The following C1D variants were observed in gnomAD, a reference collection of about 807,000 sequenced individuals.
C1D encodes the protein C1D nuclear receptor corepressor, also known as nuclear nucleic acid-binding protein C1D.
In C1D, 10 loss-of-function variants were observed where a neutral mutation model predicts 17.5. The observed-to-expected ratio is 0.57, with a 90% CI of 0.35 to 0.97. The LOEUF (loss-of-function observed/expected upper bound fraction) is 0.97, where lower values mean the gene tolerates loss of function less well. Among genes scored for constraint, C1D ranks in the 50% least tolerant of loss-of-function variants. The probability of loss-of-function intolerance (pLI) is 0.01; values close to 1 mark genes in which losing one functional copy is unlikely to be tolerated. For missense variants in C1D, 136 were observed against 160.1 expected (o/e 0.85, Z 0.81); for synonymous variants, 49 against 54.0 (o/e 0.91, Z 0.40).
chr2:68,057,925 C>T (rs1376983187), intron 1 of C1D, among the ~76,000 whole-genome samples: 1 of 152,222 alleles, frequency 6.6e-6, no homozygotes, highest in East Asian at 1.9e-4. Flanking sequence ...CCATACCTCC[C>T]AGTCAACTGG....
chr2:68,052,914 C>A, intron 1 of C1D: 1 of 1,093,082 alleles, frequency 9.1e-7, no homozygotes, highest in Non-Finnish European at 1.3e-6. Context: ...TCTTGAATAG[C>A]ACTGATTATG....
chr2:68,048,876 C>G (rs1240536185), intron 1 of C1D, among the ~76,000 whole-genome samples: 1 of 152,136 alleles, frequency 6.6e-6, no homozygotes, highest in Non-Finnish European at 1.5e-5. Context: ...TACCAGCAGA[C>G]TTCAACAGTA....
chr2:68,053,797 A>T (rs1046390504), intron 1 of C1D, among the ~76,000 whole-genome samples: 4 of 151,826 alleles, frequency 2.6e-5, no homozygotes, highest in Non-Finnish European at 4.4e-5. Context: ...GTGCTCTCTC[A>T]CTCTCAACTT....
chr2:68,055,281 C>T (rs1054140712), intron 1 of C1D, among the ~76,000 whole-genome samples: 1 of 152,208 alleles, frequency 6.6e-6, no homozygotes, highest in Non-Finnish European at 1.5e-5. Flanking sequence ...ACAGCACCAT[C>T]TGCAAAGCAT....
chr2:68,047,253 C>T lies in C1D; in HGVS notation c.58G>A (p.Ala20Thr), dbSNP rs779952198. The change falls in exon 2 of 5, where the codon GCG becomes ACG. Residue 20 changes from alanine (A) to threonine (T), a missense_variant. Transcript: ENST00000410067. ...ACAGCACCAATGGAATTCTCAAACGCTGACAAATACTCGTGAATTTCTACT... is the reference window on the plus strand; with the variant it reads ...ACAGCACCAATGGAATTCTCAAACGTTGACAAATACTCGTGAATTTCTACT... ...YPVEIHEYLS[A>T]FENSIGAVDE... The T allele has an allele frequency of 4.3e-6, 7 of 1,612,862 alleles. No homozygotes were observed. Among genetic ancestry groups the T allele is most frequent in the Non-Finnish European group, 5.9e-6 (7 of 1,179,444 alleles).
chr2:68,053,128 A>G, intron 1 of C1D: 2 of 1,550,870 alleles, frequency 1.3e-6, no homozygotes, highest in Non-Finnish European at 1.7e-6. Flanking sequence ...TACTCCTTCT[A>G]AAACACTGGC....
rs1438939602 is a variant in C1D at position 68,054,585 on chromosome 2, T to A, written c.-9-7266A>T. Among the ~76,000 whole-genome samples, 6 of 152,102 alleles carry A rather than the reference T, an allele frequency of 3.9e-5. 1 individual carries two copies. The highest frequency in any genetic ancestry group is 3.3e-4 in the Admixed American group (5 of 15,264). ...ATTGATTATGGATTTTAATCATAGC[T>A]TCAAAATACTTTCACAGCAACACCT... On this transcript the variant is annotated intron_variant, in intron 1 of 4. Transcript: ENST00000410067.
At chr2:68,046,634 C>T (rs979974934) in intron 2 of C1D, 2 of 468,464 alleles carry the variant, frequency 4.3e-6, no homozygotes, top group African/African-American at 4.0e-5. Flanking sequence ...CTTAGGGTAT[C>T]ATCTTTAGTT....
intron 1 of C1D, among the ~76,000 whole-genome samples, chr2:68,059,730 C>A (rs1042684547): frequency 5.3e-5 from 8 of 152,198 alleles, no homozygotes; most frequent in African/African-American, 1.7e-4. Context: ...CCTTGTCCCT[C>A]ACTGGCTGCT....
intron 2 of C1D, 147 bp downstream of exon 2, chr2:68,047,026 C>T (rs1158027121): frequency 2.2e-5 from 14 of 623,796 alleles, no homozygotes; most frequent in South Asian, 1.1e-4. Flanking sequence ...GTTTTGTTTC[C>T]CCCCTAAAAA....
chr2:68,046,085 T>A (rs1361429034), intron 3 of C1D, 42 bp from the exon 4 acceptor site: 12 of 1,356,482 alleles, frequency 8.8e-6, no homozygotes, highest in Non-Finnish European at 1.2e-5. Context: ...GTGAATGTAT[T>A]AATTTAAAAC....
chr2:68,046,678 T>C (rs1018022310), intron 2 of C1D: 1 of 356,334 alleles, frequency 2.8e-6, no homozygotes, highest in Middle Eastern at 7.8e-4. Context: ...AGAAAAATTC[T>C]TTTGAATTAT....
At chr2:68,059,806 C>T (rs894903338) in intron 1 of C1D, among the ~76,000 whole-genome samples, 4 of 152,192 alleles carry the variant, frequency 2.6e-5, no homozygotes, top group African/African-American at 9.7e-5. Flanking sequence ...AGGACTCAGG[C>T]CTTGTGCCCC....
intron 4 of C1D, 47 bp downstream of exon 4, chr2:68,045,941 G>A (rs1218207311): frequency 2.3e-6 from 3 of 1,308,948 alleles, no homozygotes; most frequent in Non-Finnish European, 3.2e-6. Context: ...ACAAACCTCA[G>A]GAATACAACA....
chr2:68,049,535 T>TA (rs1375308358), intron 1 of C1D, among the ~76,000 whole-genome samples: 3 of 152,178 alleles, frequency 2.0e-5, no homozygotes, highest in Non-Finnish European at 2.9e-5. Context: ...ACATAAACCA[T>TA]ACAGATCATT....
intron 1 of C1D, chr2:68,053,088 G>A (rs922723333): frequency 6.4e-7 from 1 of 1,550,732 alleles, no homozygotes; most frequent in Non-Finnish European, 8.7e-7. Flanking sequence ...CCTCCTCCGG[G>A]GTTCTATAGG....
At chr2:68,043,403 G>T (rs779401480) in intron 4 of C1D, among the ~76,000 whole-genome samples, 1 of 151,998 alleles carries the variant, frequency 6.6e-6, no homozygotes, top group East Asian at 1.9e-4. Context: ...CATATTAACT[G>T]TTTTGTATCT....
intron 1 of C1D, among the ~76,000 whole-genome samples, chr2:68,052,377 T>G (rs1007260172): frequency 6.6e-6 from 1 of 151,984 alleles, no homozygotes; most frequent in Non-Finnish European, 1.5e-5. Context: ...CATATTAAAT[T>G]TTTAATAAAA....
Position 68,047,216 on chromosome 2 carries a change from A to C in C1D, c.95T>G (p.Leu32Arg), listed in dbSNP as rs754139761. Residue 32 changes from leucine to arginine, a missense_variant, in exon 2 of 5, where the codon CTG becomes CGG. Transcript: ENST00000410067. ...TCTAGAAACAGACATCATGGTCTTC[A>C]GCATCTCATCCACAGCACCAATGGA... is the stretch of plus-strand genomic sequence containing the variant. ...ENSIGAVDEM[L>R]KTMMSVSRNE... The C allele has an allele frequency of 1.2e-6, 2 of 1,612,294 alleles. No individual in the cohort carries two copies. Among genetic ancestry groups the C allele is most frequent in the Admixed American group, 3.3e-5 (2 of 59,936 alleles).
Sources: allele counts gnomAD v4.1 joint callset (sites outside exome capture counted in the v4.1 genomes callset), GRCh38; gene constraint gnomAD v4.1.1; transcripts MANE v1.5; gene names NCBI Gene and HGNC (gene_info 2026-07-23, HGNC 2026-07-21).